The following PHACTR1 variants were observed in gnomAD, a reference collection of about 807,000 sequenced individuals.
PHACTR1 encodes phosphatase and actin regulator 1, also known as RPEL repeat containing 1.
A neutral mutation model predicts 69.2 loss-of-function variants in PHACTR1; 16 were observed. That is an observed-to-expected ratio of 0.23 (90% CI 0.16 to 0.35). The LOEUF is 0.35. Among genes scored for constraint, PHACTR1 ranks in the 10% least tolerant of loss-of-function variants. PHACTR1 has a pLI of 1.00. For synonymous variants in PHACTR1, 312 were observed against 284.5 expected, an observed-to-expected ratio of 1.10 and a Z score of -0.97; for missense variants, 510 against 734.7, an observed-to-expected ratio of 0.69 and a Z score of 3.54.
intron 5 of PHACTR1, among the ~76,000 whole-genome samples, chr6:13,089,102 A>G (rs2127821812): frequency 6.6e-6 from 1 of 152,264 alleles, no homozygotes; most frequent in Non-Finnish European, 1.5e-5. Flanking sequence ...CAGGTCCTCC[A>G]CTAACAAGAG....
At chr6:13,252,473 T>C (rs1031861514) in intron 10 of PHACTR1, among the ~76,000 whole-genome samples, 5 of 152,322 alleles carry the variant, frequency 3.3e-5, no homozygotes, top group African/African-American at 1.2e-4. Context: ...GATCCTTTCC[T>C]GGATAAATAA....
At chr6:13,020,472 A>T (rs890500854) in intron 4 of PHACTR1, among the ~76,000 whole-genome samples, 4 of 152,182 alleles carry the variant, frequency 2.6e-5, no homozygotes, top group Non-Finnish European at 4.4e-5. Context: ...CAGACTCAGG[A>T]TGTCATGGAC....
In PHACTR1 at chr6:13,139,443, G is replaced by T. The variant is rs187368832; in HGVS notation, c.416-20761G>T. ...CACCTGCTCTATTTATTCACAAATT[G>T]TTTTTTCCGTTGTATTTATATTTTC... On this transcript the variant is annotated intron_variant, in intron 5 of 14. Coordinates refer to ENST00000332995, the MANE Select transcript of PHACTR1 (RefSeq NM_030948.6). Among the ~76,000 whole-genome samples, 643 of 152,092 alleles carry T rather than the reference G, an allele frequency of 4.2e-3. 8 individuals are homozygous for T. Among genetic ancestry groups the T allele is most frequent in the African/African-American group, 0.014 (600 of 41,488 alleles).
intron 4 of PHACTR1, among the ~76,000 whole-genome samples, chr6:12,952,389 T>C (rs1211663367): frequency 6.6e-6 from 1 of 152,214 alleles, no homozygotes; most frequent in Non-Finnish European, 1.5e-5. Flanking sequence ...CTCCACTCAT[T>C]CATCACTCCC....
chr6:12,811,005 T>A lies in PHACTR1; in HGVS notation c.250+61215T>A, dbSNP rs542244963. Among the ~76,000 whole-genome samples the A allele has an allele frequency of 5.9e-5, 9 of 152,342 alleles. No individual in the cohort carries two copies. The South Asian group carries it at 1.9e-3, about 32-fold the overall frequency. On this transcript the variant is annotated intron_variant, in intron 4 of 14. Transcript: ENST00000332995. ...TGCCTGTCCTCACTCCTCTTAGATGTTTCTTTGCCTCATGTGTAGATTCAG... is the reference window on the plus strand; with the variant it reads ...TGCCTGTCCTCACTCCTCTTAGATGATTCTTTGCCTCATGTGTAGATTCAG...
At chr6:13,280,893 C>G (rs1780017869) in intron 12 of PHACTR1, 1 of 1,220,886 alleles carries the variant, frequency 8.2e-7, no homozygotes, top group Admixed American at 2.3e-5. Context: ...AAAGGTGCGT[C>G]TTCTGAGCCT....
chr6:13,011,560 G>A (rs543248749), intron 4 of PHACTR1, among the ~76,000 whole-genome samples: 57 of 152,280 alleles, frequency 3.7e-4, no homozygotes, highest in Admixed American at 5.9e-4. Flanking sequence ...CACAATGCCC[G>A]TTGGCCAATT....
chr6:12,952,455 C>T (rs1411125382), intron 4 of PHACTR1, among the ~76,000 whole-genome samples: 1 of 152,190 alleles, frequency 6.6e-6, no homozygotes, highest in Non-Finnish European at 1.5e-5. Flanking sequence ...TCCAGAATAT[C>T]ATGTAGTCAG....
chr6:13,025,671 TTG>T (rs60800778), intron 4 of PHACTR1, among the ~76,000 whole-genome samples: 2,736 of 140,060 alleles, frequency 0.02, 27 homozygotes, highest in South Asian at 0.037. Context: ...CATATATTAT[TTG>T]TGTGTGTGTG....
intron 4 of PHACTR1, among the ~76,000 whole-genome samples, chr6:12,878,438 T>C (rs1782758762): frequency 6.6e-6 from 1 of 152,356 alleles, no homozygotes; most frequent in African/African-American, 2.4e-5. Flanking sequence ...AATGTCAACA[T>C]TGAAATTGAG....
chr6:13,209,407 G>C (rs1766449611), intron 8 of PHACTR1, among the ~76,000 whole-genome samples: 2 of 152,214 alleles, frequency 1.3e-5, no homozygotes, highest in South Asian at 2.1e-4. Flanking sequence ...CAAGAAGGGA[G>C]AGGCATTACC....
At chr6:13,140,180 C>G (rs1307912534) in intron 5 of PHACTR1, among the ~76,000 whole-genome samples, 2 of 35,160 alleles carry the variant, frequency 5.7e-5, no homozygotes, top group Non-Finnish European at 9.2e-5. Flanking sequence ...CCCTTGTATA[C>G]TGTTGCTAAT....
intron 6 of PHACTR1, among the ~76,000 whole-genome samples, chr6:13,168,726 G>A (rs960425710): frequency 1.3e-5 from 2 of 152,150 alleles, no homozygotes; most frequent in African/African-American, 4.8e-5. Flanking sequence ...TCATGCTAGA[G>A]AAGATAGGAG....
At chr6:12,758,377 GGTGAGCAGAGACCAT>G (rs1369279429) in intron 4 of PHACTR1, among the ~76,000 whole-genome samples, 7 of 150,348 alleles carry the variant, frequency 4.7e-5, no homozygotes, top group Non-Finnish European at 1.0e-4. Flanking sequence ...AGGAGGCGGA[GGTGAGCAGAGACCAT>G]GTGAGCAGAG....
intron 4 of PHACTR1, among the ~76,000 whole-genome samples, chr6:12,781,546 T>C (rs987645641): frequency 2.0e-5 from 3 of 152,226 alleles, no homozygotes; most frequent in African/African-American, 7.2e-5. Context: ...CACTGTTAGA[T>C]AGGCTTTCCA....
At chr6:12,953,518 T>C (rs1791534185) in intron 4 of PHACTR1, among the ~76,000 whole-genome samples, 2 of 152,232 alleles carry the variant, frequency 1.3e-5, no homozygotes, top group Admixed American at 1.3e-4. Flanking sequence ...TGTAACCCTG[T>C]GTACTTTGGA....
chr6:13,094,256 T>C (rs960779791), intron 5 of PHACTR1, among the ~76,000 whole-genome samples: 9 of 151,986 alleles, frequency 5.9e-5, no homozygotes, highest in South Asian at 4.1e-4. Flanking sequence ...GCCTGTATTA[T>C]ACTTTTTCTG....
chr6:13,218,780 G>T (rs2127267910), intron 8 of PHACTR1, among the ~76,000 whole-genome samples: 1 of 151,100 alleles, frequency 6.6e-6, no homozygotes, highest in African/African-American at 2.4e-5. Flanking sequence ...TTAAAAAGAA[G>T]AAGAAGAAGA....
intron 4 of PHACTR1, among the ~76,000 whole-genome samples, chr6:13,035,574 G>T (rs900390867): frequency 3.3e-5 from 5 of 152,072 alleles, no homozygotes; most frequent in African/African-American, 1.2e-4. Flanking sequence ...TATACTTAAA[G>T]TATTATTTTA....
Sources: gnomAD v4.1 joint callset for allele counts (sites outside exome capture counted in the v4.1 genomes callset) on GRCh38, gnomAD v4.1.1 for gene constraint, MANE v1.5 for transcripts, NCBI Gene and HGNC (gene_info 2026-07-23, HGNC 2026-07-21) for gene names.